The following CCPG1 variants were observed in gnomAD, a reference collection of about 807,000 sequenced individuals.
The protein encoded by CCPG1 is cell cycle progression 1, also known as cell cycle progression protein 1.
Under a neutral mutation model 81.3 loss-of-function variants are expected in CCPG1, and 46 were observed. That is an observed-to-expected ratio of 0.57 (90% CI 0.45 to 0.72). CCPG1 has a LOEUF of 0.72. Among genes scored for constraint, CCPG1 ranks in the 30% least tolerant of loss-of-function variants. The probability of loss-of-function intolerance (pLI) is 0.00; values close to 1 mark genes in which losing one functional copy is unlikely to be tolerated. For synonymous variants in CCPG1, 330 were observed against 305.2 expected, an observed-to-expected ratio of 1.08 and a Z score of -0.85; for missense variants, 902 against 937.6, an observed-to-expected ratio of 0.96 and a Z score of 0.50.
chr15:55,367,693 C>T lies in CCPG1; in HGVS notation c.707-2384G>A, dbSNP rs186255258. Among the ~76,000 whole-genome samples the T allele has an allele frequency of 1.9e-4, 29 of 151,928 alleles. No individual in the cohort carries two copies. The East Asian group carries it at 2.3e-3, about 12-fold the overall frequency. ...TGTCTAGAACAAATTTGGGTAAAAC[C>T]AAACCAAACTGTGCTTACCATCTAT... On this transcript the variant is annotated intron_variant, in intron 6 of 8. Transcript: ENST00000442196.
chr15:55,374,289 A>T, intron 5 of CCPG1: 1 of 1,076,328 alleles, frequency 9.3e-7, no homozygotes, highest in South Asian at 1.3e-5. Context: ...GCATAAAGCT[A>T]TATTATAAAG....
intron 5 of CCPG1, among the ~76,000 whole-genome samples, chr15:55,374,856 G>C (rs2056529695): frequency 6.6e-6 from 1 of 152,060 alleles, no homozygotes; most frequent in South Asian, 2.1e-4. Flanking sequence ...GTAGAGAAGG[G>C]TTTTTGCCGT....
Position 55,372,518 on chromosome 15 carries a change from G to T in CCPG1, c.455-474C>A, listed in dbSNP as rs562908657. 2.1e-5 allele frequency: 4 copies of T among 193,284 alleles called. No homozygotes were observed. In the South Asian group the frequency reaches 3.7e-4, roughly 18 times the overall value. 12.0% of individuals were successfully genotyped at this position (193,284 alleles called of 1,614,324 possible). A position where few individuals can be genotyped will look rare whatever the true frequency, so the allele number is the denominator to read the frequency against. ...TCTACTAAAAATACAAAAATTAGCC[G>T]GGCATGGTAGTGCACCTATAGTCCC... On this transcript the variant is annotated intron_variant, in intron 5 of 8. Transcript: ENST00000442196.
intron 8 of CCPG1, chr15:55,359,065 G>A: frequency 1.0e-6 from 1 of 984,856 alleles, no homozygotes; most frequent in Non-Finnish European, 1.2e-6. Flanking sequence ...TCATAACTAA[G>A]CTGGTACATG....
intron 3 of CCPG1, among the ~76,000 whole-genome samples, chr15:55,382,859 T>C (rs1369576417): frequency 6.6e-6 from 1 of 151,808 alleles, no homozygotes; most frequent in Non-Finnish European, 1.5e-5. Context: ...ACATCTGCAG[T>C]TCCTTCCTCC....
intron 1 of CCPG1, among the ~76,000 whole-genome samples, chr15:55,391,917 C>T (rs1365512783): frequency 7.5e-6 from 1 of 134,196 alleles, no homozygotes; most frequent in African/African-American, 2.7e-5. Flanking sequence ...TGGTAGCTCA[C>T]GTCTGTAACC....
At chr15:55,365,424 T>G (rs1054209574) in intron 6 of CCPG1, 115 bp from the exon 7 acceptor site, 146 of 633,608 alleles carry the variant, frequency 2.3e-4, no homozygotes, top group African/African-American at 1.4e-3. Context: ...TTTTTGTTTT[T>G]TTTTTTTGTT....
intron 7 of CCPG1, among the ~76,000 whole-genome samples, chr15:55,361,172 A>G (rs1248793152): frequency 6.9e-6 from 1 of 144,734 alleles, no homozygotes; most frequent in Non-Finnish European, 1.5e-5. Flanking sequence ...TGGTGTAAGA[A>G]TTTTTTTTTT....
chr15:55,359,518 C>CA, intron 8 of CCPG1, 21 bp downstream of exon 8: 1 of 1,568,908 alleles, frequency 6.4e-7, no homozygotes, highest in Non-Finnish European at 8.6e-7. Flanking sequence ...ACTGTAATGA[C>CA]ACGGTTTTAT....
At chr15:55,394,352 A>C (rs1196052137) in intron 1 of CCPG1, among the ~76,000 whole-genome samples, 2 of 152,138 alleles carry the variant, frequency 1.3e-5, no homozygotes, top group African/African-American at 4.8e-5. Flanking sequence ...GATAGCTCAC[A>C]GGTTTCTGGT....
At chr15:55,363,418 A>T (rs79589996) in intron 7 of CCPG1, among the ~76,000 whole-genome samples, 28,068 of 150,340 alleles carry the variant, frequency 0.19, 5,052 homozygotes, top group African/African-American at 0.44. Flanking sequence ...TCTAGAGGTT[A>T]ATGCGTGGTG....
At chr15:55,361,425 T>C (rs1474455179) in intron 7 of CCPG1, among the ~76,000 whole-genome samples, 1 of 151,702 alleles carries the variant, frequency 6.6e-6, no homozygotes, top group African/African-American at 2.4e-5. Context: ...GTAAAATTAT[T>C]AGCTGGGCGC....
At chr15:55,368,513 C>T (rs1317327649) in intron 6 of CCPG1, among the ~76,000 whole-genome samples, 3 of 152,090 alleles carry the variant, frequency 2.0e-5, no homozygotes, top group East Asian at 1.9e-4. Flanking sequence ...GCCGAAGAGC[C>T]GGGTAGTCTA....
intron 2 of CCPG1, among the ~76,000 whole-genome samples, chr15:55,386,820 C>T (rs903295075): frequency 2.6e-5 from 4 of 151,542 alleles, no homozygotes; most frequent in African/African-American, 9.7e-5. Flanking sequence ...TGGCGTGAAC[C>T]GATGGGGCGG....
chr15:55,381,461 T>G (rs1437032933), intron 3 of CCPG1, among the ~76,000 whole-genome samples: 2 of 152,034 alleles, frequency 1.3e-5, no homozygotes, highest in Admixed American at 1.3e-4. Flanking sequence ...AAAAAGAAAA[T>G]TTTCTTTAAC....
intron 6 of CCPG1, among the ~76,000 whole-genome samples, chr15:55,369,049 T>A (rs1595829878): frequency 1.3e-5 from 2 of 151,804 alleles, no homozygotes; most frequent in African/African-American, 4.8e-5. Flanking sequence ...GAGACGGAGG[T>A]GGCAGTGAGC....
rs1159265420 is a variant in CCPG1, at chr15:55,359,778, T to A, written c.1995A>T (p.Leu665Phe). Residue 665 changes from leucine to phenylalanine, a missense_variant, in exon 8 of 9, where the codon TTA (leucine) becomes TTT (phenylalanine). Around this residue, in one of 3 missense-constraint regions of CCPG1, gnomAD observed 746 missense variants for 728.6 expected, o/e 1.02. Transcript: ENST00000442196. ...AGTGACAAAAAGTATCCAGTTCTTTTAACATGTACCTTTGAATTATCTGTC... is the reference window on the plus strand; with the variant it reads ...AGTGACAAAAAGTATCCAGTTCTTTAAACATGTACCTTTGAATTATCTGTC... ...EFRQIIQRYM[L>F]KELDTFCHWN... is the part of the protein sequence containing the mutation. 1.9e-6 allele frequency: 3 copies of A among 1,613,224 alleles called. No individual in the cohort carries two copies. Among genetic ancestry groups the A allele is most frequent in the Non-Finnish European group, 1.7e-6 (2 of 1,179,894 alleles).
chr15:55,358,490 C>G, intron 8 of CCPG1: 5 of 985,428 alleles, frequency 5.1e-6, no homozygotes, highest in Non-Finnish European at 4.8e-6. Context: ...ATCTCTTATC[C>G]TCCAGCTCTA....
chr15:55,362,098 G>A (rs950923206), intron 7 of CCPG1, among the ~76,000 whole-genome samples: 2 of 152,098 alleles, frequency 1.3e-5, no homozygotes, highest in East Asian at 3.9e-4. Context: ...GGGTATCCTT[G>A]ACTGATTTGA....
Sources: allele counts gnomAD v4.1 joint callset (sites outside exome capture counted in the v4.1 genomes callset), GRCh38; gene constraint gnomAD v4.1.1; regional missense constraint gnomAD v4.1.1; transcripts MANE v1.5; gene names NCBI Gene and HGNC (gene_info 2026-07-23, HGNC 2026-07-21).